The following CHMP5 variants were observed in gnomAD, a reference collection of about 807,000 sequenced individuals.
The protein encoded by CHMP5 is charged multivesicular body protein 5, also known as SNF7 domain containing 2.
CHMP5 carries 17 observed loss-of-function variants against 33.0 expected under a neutral mutation model. The observed-to-expected ratio is 0.52, with a 90% CI of 0.35 to 0.77. The LOEUF (loss-of-function observed/expected upper bound fraction) is 0.77, where lower values mean the gene tolerates loss of function less well. CHMP5 is among the 30% of genes least tolerant of loss of function. The pLI is 0.01. For synonymous variants in CHMP5, 76 were observed against 90.2 expected (o/e 0.84, Z 0.89); for missense variants, 216 against 261.5 (o/e 0.83, Z 1.20).
rs1564088874 is a variant in CHMP5, at chr9:33,280,863, T to A, written c.*4T>A. 2 of 1,609,454 alleles carry A rather than the reference T, an allele frequency of 1.2e-6. No homozygotes were observed. The highest frequency in any genetic ancestry group is 1.7e-6 in the Non-Finnish European group (2 of 1,177,914). On this transcript the variant is annotated 3_prime_UTR_variant, in exon 8 of 8. Transcript: ENST00000223500. The stretch of plus-strand genomic sequence containing the variant: ...GCCACAGATCCCTGCTTCATAGATT[T>A]GCATCATTCAAGCATATCTTGTAAA...
In CHMP5 at chr9:33,265,277, A is replaced by G. The variant is rs1008665175; in HGVS notation, c.69+130A>G. The stretch of plus-strand genomic sequence containing the variant: ...GGCCCCTTACACGTCGTCCCTCTCT[A>G]TCTCACCTTCTCCCCTTCATCCCTG... On this transcript the variant is annotated intron_variant, in intron 1 of 7. Coordinates refer to ENST00000223500, the MANE Select transcript of CHMP5 (RefSeq NM_016410.6). The G allele has an allele frequency of 1.3e-5, 10 of 798,724 alleles. No homozygotes were observed. In the Admixed American group the frequency reaches 1.5e-4, roughly 12 times the overall value. The allele number at this position is 798,724 out of a possible 1,614,324, so 49.5% of individuals were successfully genotyped here. A position where few individuals can be genotyped will look rare whatever the true frequency, so the allele number is the denominator to read the frequency against.
chr9:33,269,667 A>G (rs1287192549), intron 3 of CHMP5, among the ~76,000 whole-genome samples: 1 of 152,172 alleles, frequency 6.6e-6, no homozygotes. Flanking sequence ...GAAAATAATT[A>G]TAAAGCCTTA....
At chr9:33,268,606 G>A (rs2118017240) in intron 3 of CHMP5, among the ~76,000 whole-genome samples, 1 of 152,304 alleles carries the variant, frequency 6.6e-6, no homozygotes, top group South Asian at 2.1e-4. Flanking sequence ...TTTTAGATTA[G>A]ATCAAATTGG....
intron 3 of CHMP5, among the ~76,000 whole-genome samples, chr9:33,268,824 T>G (rs1357277974): frequency 6.6e-6 from 1 of 152,238 alleles, no homozygotes; most frequent in African/African-American, 2.4e-5. Context: ...TTTAAAATGC[T>G]AATTTCTTCC....
chr9:33,272,917 C>T (rs1304127685), intron 5 of CHMP5, among the ~76,000 whole-genome samples: 2 of 152,294 alleles, frequency 1.3e-5, no homozygotes, highest in African/African-American at 4.8e-5. Context: ...TGGAATTAAA[C>T]TTTGTGATAC....
chr9:33,280,087 C>T (rs1460743612), intron 7 of CHMP5, among the ~76,000 whole-genome samples: 1 of 151,990 alleles, frequency 6.6e-6, no homozygotes, highest in African/African-American at 2.4e-5. Context: ...AGCAATCCAC[C>T]CACCTCAGCC....
At chr9:33,277,239 G>A (rs886637033) in intron 6 of CHMP5, among the ~76,000 whole-genome samples, 2 of 150,820 alleles carry the variant, frequency 1.3e-5, no homozygotes, top group African/African-American at 4.9e-5. Flanking sequence ...TACTTAGTGT[G>A]CATCTACTCT....
intron 7 of CHMP5, 65 bp downstream of exon 7, chr9:33,278,290 C>A: frequency 1.0e-6 from 1 of 963,042 alleles, no homozygotes; most frequent in Non-Finnish European, 1.6e-6. Flanking sequence ...GACCATAAGT[C>A]TGGGAATCTA....
At chr9:33,274,988 A>G (rs760410758) in intron 5 of CHMP5, among the ~76,000 whole-genome samples, 5 of 152,218 alleles carry the variant, frequency 3.3e-5, no homozygotes, top group African/African-American at 1.2e-4. Flanking sequence ...CTCATTGAGT[A>G]ATGGCAAAAT....
At chr9:33,265,200 C>T in intron 1 of CHMP5, 53 bp downstream of exon 1, 1 of 1,560,056 alleles carries the variant, frequency 6.4e-7, no homozygotes, top group Non-Finnish European at 8.8e-7. Context: ...ACACCCGACC[C>T]CGCCCACCCC....
At chr9:33,280,321 T>C (rs1384988504) in intron 7 of CHMP5, among the ~76,000 whole-genome samples, 5 of 152,208 alleles carry the variant, frequency 3.3e-5, no homozygotes, top group Non-Finnish European at 7.3e-5. Flanking sequence ...GGCTACTCCA[T>C]AGGCAGAGCA....
rs1402994499 is a variant in CHMP5 at position 33,281,792 on chromosome 9, A to G, written c.*933A>G. 1 of 152,266 alleles carries G rather than the reference A, an allele frequency of 6.6e-6. No homozygotes were observed. Among genetic ancestry groups the G allele is most frequent in the Non-Finnish European group, 1.5e-5 (1 of 68,044 alleles). The allele number at this position is 152,266 out of a possible 1,614,324, so 9.4% of individuals were successfully genotyped here. On this transcript the variant is annotated 3_prime_UTR_variant, in exon 8 of 8. Transcript: ENST00000223500. Reference sequence around the variant, plus strand: ...GTGAGGAATAATTGAGGTAATGGTCATAAGTACCTTGTTAACTGCAAGGGG... The same window carrying G: ...GTGAGGAATAATTGAGGTAATGGTCGTAAGTACCTTGTTAACTGCAAGGGG...
intron 7 of CHMP5, 70 bp from the exon 8 acceptor site, chr9:33,280,739 A>G (rs1195003836): frequency 5.0e-6 from 7 of 1,394,948 alleles, no homozygotes; most frequent in Non-Finnish European, 7.0e-6. Context: ...TAACTATTAA[A>G]TGTTTGTAAT....
At chr9:33,266,377 C>T (rs1200201995) in intron 2 of CHMP5, among the ~76,000 whole-genome samples, 1 of 152,188 alleles carries the variant, frequency 6.6e-6, no homozygotes, top group Admixed American at 6.5e-5. Context: ...GAGGCTGAGG[C>T]AGGAGAATCG....
intron 2 of CHMP5, among the ~76,000 whole-genome samples, chr9:33,267,374 CTG>C (rs1820739684): frequency 6.6e-6 from 1 of 152,130 alleles, no homozygotes; most frequent in Non-Finnish European, 1.5e-5. Context: ...AACAGGATGA[CTG>C]TGCATGAAGA....
At chr9:33,268,753 CA>C (rs1281096337) in intron 3 of CHMP5, among the ~76,000 whole-genome samples, 1 of 152,116 alleles carries the variant, frequency 6.6e-6, no homozygotes, top group African/African-American at 2.4e-5. Flanking sequence ...TTGGAAAATA[CA>C]TAAATATGAA....
At chr9:33,280,393 A>AT (rs1820908199) in intron 7 of CHMP5, among the ~76,000 whole-genome samples, 1 of 152,238 alleles carries the variant, frequency 6.6e-6, no homozygotes, top group African/African-American at 2.4e-5. Context: ...CATGATATGG[A>AT]AGTGACTGCC....
At chr9:33,277,882 A>T (rs191380663) in intron 6 of CHMP5, 3 of 384,252 alleles carry the variant, frequency 7.8e-6, no homozygotes, top group Admixed American at 8.0e-5. Flanking sequence ...CCCATCTTCA[A>T]TTGCCCCTGA....
Position 33,265,049 on chromosome 9 carries a change from AG to A in CHMP5, c.-29del. 2 of 1,613,642 alleles carry A rather than the reference AG, an allele frequency of 1.2e-6. No homozygotes were observed. The highest frequency in any genetic ancestry group is 1.7e-6 in the Non-Finnish European group (2 of 1,179,600). On this transcript the variant is annotated 5_prime_UTR_variant, in exon 1 of 8. In the 5' UTR this introduces an upstream ATG that the reference lacks. Coordinates refer to ENST00000223500, the MANE Select transcript of CHMP5 (RefSeq NM_016410.6). ...CTGCTTCCGTTTCTGGTTTTGCTCT[AG>A]TGTTTGGGTTTCTTCGCGGCTGCTC...
Sources: allele counts gnomAD v4.1 joint callset (sites outside exome capture counted in the v4.1 genomes callset), GRCh38; gene constraint gnomAD v4.1.1; transcripts MANE v1.5; gene names NCBI Gene and HGNC (gene_info 2026-07-23, HGNC 2026-07-21).